The following COL5A2 variants were observed in gnomAD, a reference collection of about 807,000 sequenced individuals.
COL5A2 encodes collagen type V alpha 2 chain.
Under a neutral mutation model 208.2 loss-of-function variants are expected in COL5A2, and 23 were observed. That is an observed-to-expected ratio of 0.11 (90% CI 0.08 to 0.16). The LOEUF (loss-of-function observed/expected upper bound fraction) is 0.16, where lower values mean the gene tolerates loss of function less well. Ranked by LOEUF, COL5A2 falls within the 10% of genes least tolerant of loss-of-function variation. The pLI is 1.00. For missense variants in COL5A2, 1,590 were observed against 1,956.4 expected, an observed-to-expected ratio of 0.81 and a Z score of 3.53; for synonymous variants, 625 against 628.5, an observed-to-expected ratio of 0.99 and a Z score of 0.08.
At chr2:189,221,505 T>C (rs186958745) in intron 1 of COL5A2, among the ~76,000 whole-genome samples, 1 of 152,186 alleles carries the variant, frequency 6.6e-6, no homozygotes, top group Admixed American at 6.6e-5. Flanking sequence ...GGGTGGGATG[T>C]TAGAATGAAA....
intron 1 of COL5A2, among the ~76,000 whole-genome samples, chr2:189,140,189 T>A (rs1259356925): frequency 6.6e-6 from 1 of 152,192 alleles, no homozygotes; most frequent in Non-Finnish European, 1.5e-5. Context: ...AGAATCAAAG[T>A]GTAAAATATG....
At chr2:189,257,802 T>C in the COL5A2 span, among the ~76,000 whole-genome samples, 2 of 152,154 alleles carry the variant, frequency 1.3e-5, no homozygotes, top group Non-Finnish European at 2.9e-5. Flanking sequence ...TTTTTACCTA[T>C]ACAATACTAC....
At chr2:189,350,717 G>A in the COL5A2 span, among the ~76,000 whole-genome samples, 1 of 152,128 alleles carries the variant, frequency 6.6e-6, no homozygotes, top group Non-Finnish European at 1.5e-5. Flanking sequence ...GGGCATCAAG[G>A]CACTTTACAG....
At chr2:189,040,591 T>C (rs1437699323) in intron 50 of COL5A2, among the ~76,000 whole-genome samples, 1 of 152,186 alleles carries the variant, frequency 6.6e-6, no homozygotes, top group African/African-American at 2.4e-5. Context: ...ACTTGTTATA[T>C]GGCTCCAGAC....
At chr2:189,181,515 A>G (rs1376440889), upstream of COL5A2, among the ~76,000 whole-genome samples, 1 of 152,110 alleles carries the variant, frequency 6.6e-6, no homozygotes, top group Non-Finnish European at 1.5e-5. Flanking sequence ...GGGGGGGAGG[A>G]ATTAACCTTT....
At chr2:189,049,600 T>C (rs978001373) in intron 43 of COL5A2, 146 bp from the exon 44 acceptor site, 1 of 700,388 alleles carries the variant, frequency 1.4e-6, no homozygotes, top group South Asian at 1.7e-5. Flanking sequence ...GTAATCATAA[T>C]GCTTTCTTAG....
intron 1 of COL5A2, among the ~76,000 whole-genome samples, chr2:189,114,773 G>A (rs1416738042): frequency 6.6e-6 from 1 of 151,862 alleles, no homozygotes; most frequent in Non-Finnish European, 1.5e-5. Flanking sequence ...CCTAGGTGAT[G>A]GGCTGATGGG....
Position 189,043,130 on chromosome 2 carries a change from ATACT to A in COL5A2, c.3471+17_3471+20del, listed in dbSNP as rs1283855848. ...GTATTTTCAACTACAGGGCAGAATA[ATACT>A]TAAAGGAATAACTTACAGGAGGGCC... On this transcript the variant is annotated intron_variant, in intron 48 of 53. Transcript: ENST00000374866. 8.3e-6 allele frequency: 13 copies of A among 1,570,912 alleles called. No homozygotes were observed. The highest frequency in any genetic ancestry group is 1.1e-5 in the Non-Finnish European group (13 of 1,142,258).
At chr2:189,315,922 T>A in the COL5A2 span, among the ~76,000 whole-genome samples, 1 of 152,166 alleles carries the variant, frequency 6.6e-6, no homozygotes, top group Non-Finnish European at 1.5e-5. Context: ...TCAGAATGAC[T>A]ATTTAATAAA....
chr2:189,225,063 C>T (rs1414475894), intron 1 of COL5A2, among the ~76,000 whole-genome samples: 1 of 152,136 alleles, frequency 6.6e-6, no homozygotes. Flanking sequence ...GGAGTTAACA[C>T]AGAGATATTA....
At chr2:189,342,929 A>G in the COL5A2 span, among the ~76,000 whole-genome samples, 13 of 152,162 alleles carry the variant, frequency 8.5e-5, no homozygotes, top group Non-Finnish European at 1.5e-4. Flanking sequence ...CAAAATGCCA[A>G]TGTATTTCTT....
chr2:189,291,357 A>G, the COL5A2 span, among the ~76,000 whole-genome samples: 1 of 152,156 alleles, frequency 6.6e-6, no homozygotes, highest in Admixed American at 6.6e-5. Context: ...ATATCCTGGC[A>G]AGAAACAGAA....
chr2:189,350,253 TGATCAGGAAAC>T, the COL5A2 span, among the ~76,000 whole-genome samples: 2 of 152,194 alleles, frequency 1.3e-5, no homozygotes, highest in Non-Finnish European at 2.9e-5. Context: ...TTCTCTCATG[TGATCAGGAAAC>T]GATCAGAAAG....
At chr2:189,339,514 A>G in the COL5A2 span, among the ~76,000 whole-genome samples, 2 of 152,296 alleles carry the variant, frequency 1.3e-5, no homozygotes, top group Non-Finnish European at 2.9e-5. Context: ...CCAGGGATTC[A>G]GGCTAGGTCC....
intron 9 of COL5A2, among the ~76,000 whole-genome samples, chr2:189,086,005 G>A (rs572176064): frequency 2.0e-5 from 3 of 151,486 alleles, no homozygotes; most frequent in East Asian, 3.9e-4. Flanking sequence ...ATTAATGTAT[G>A]TTAAGAACCT....
At chr2:189,171,726 T>C (rs886566806) in intron 1 of COL5A2, among the ~76,000 whole-genome samples, 3 of 152,236 alleles carry the variant, frequency 2.0e-5, no homozygotes, top group African/African-American at 7.2e-5. Flanking sequence ...TATTTATTTA[T>C]CTAAAGTTCA....
At chr2:189,307,763 T>C in the COL5A2 span, among the ~76,000 whole-genome samples, 2 of 152,214 alleles carry the variant, frequency 1.3e-5, no homozygotes, top group Admixed American at 1.3e-4. Flanking sequence ...ACAAAAGCAT[T>C]CCTAATTTTG....
chr2:189,260,424 T>A, the COL5A2 span, among the ~76,000 whole-genome samples: 2 of 152,142 alleles, frequency 1.3e-5, no homozygotes, highest in African/African-American at 4.8e-5. Flanking sequence ...GTAAAGTCAG[T>A]CTCATGGGGA....
rs1685835734 is a variant in COL5A2 at position 189,053,499 on chromosome 2, T to C, written c.2500-22A>G. 5 of 1,603,850 alleles carry C rather than the reference T, an allele frequency of 3.1e-6. No individual in the cohort carries two copies. In the Admixed American group the frequency reaches 5.0e-5, roughly 16 times the overall value. ...AACCCTAGGAGGAGACAAAGATTACTGTAGCTTTCACACATTATCCTAAAC... is the reference window on the plus strand; with the variant it reads ...AACCCTAGGAGGAGACAAAGATTACCGTAGCTTTCACACATTATCCTAAAC... On this transcript the variant is annotated intron_variant, in intron 37 of 53. Coordinates refer to ENST00000374866, the MANE Select transcript of COL5A2 (RefSeq NM_000393.5).
Sources: allele counts gnomAD v4.1 joint callset (sites outside exome capture counted in the v4.1 genomes callset), GRCh38; gene constraint gnomAD v4.1.1; transcripts MANE v1.5; gene names NCBI Gene and HGNC (gene_info 2026-07-23, HGNC 2026-07-21).